The following CHCHD3 variants were observed in gnomAD, a reference collection of about 807,000 sequenced individuals.
CHCHD3 encodes coiled-coil-helix-coiled-coil-helix domain containing 3.
A neutral mutation model predicts 38.2 loss-of-function variants in CHCHD3; 20 were observed. The observed-to-expected ratio is 0.52, with a 90% CI of 0.37 to 0.76. The LOEUF (loss-of-function observed/expected upper bound fraction) is 0.76. Ranked by LOEUF, CHCHD3 falls within the 30% of genes least tolerant of loss-of-function variation. The pLI, the probability that CHCHD3 is intolerant of heterozygous loss-of-function variation, is 0.00. For missense variants in CHCHD3, 245 were observed against 279.2 expected (o/e 0.88, Z 0.87); for synonymous variants, 82 against 100.0 (o/e 0.82, Z 1.07).
chr7:133,001,176 A>C (rs1812563357), intron 3 of CHCHD3, among the ~76,000 whole-genome samples: 1 of 152,168 alleles, frequency 6.6e-6, no homozygotes, highest in Admixed American at 6.5e-5. Flanking sequence ...CTGGCATATA[A>C]ATGAGAATTC....
intron 6 of CHCHD3, among the ~76,000 whole-genome samples, chr7:132,816,978 G>A (rs190812868): frequency 6.6e-6 from 1 of 152,158 alleles, no homozygotes; most frequent in African/African-American, 2.4e-5. Context: ...ATGGAAGTAG[G>A]TTCAACTATG....
intron 5 of CHCHD3, among the ~76,000 whole-genome samples, chr7:132,852,365 C>G (rs1228643257): frequency 6.6e-6 from 1 of 152,170 alleles, no homozygotes; most frequent in Non-Finnish European, 1.5e-5. Context: ...TAACCAGGTT[C>G]AGTTTGGCTG....
At chr7:132,878,480 G>A (rs1306092260) in intron 5 of CHCHD3, among the ~76,000 whole-genome samples, 1 of 152,164 alleles carries the variant, frequency 6.6e-6, no homozygotes, top group Non-Finnish European at 1.5e-5. Flanking sequence ...ATGTAAGCAT[G>A]ACCTTAGAAT....
chr7:132,999,738 A>G (rs10267826), intron 3 of CHCHD3, among the ~76,000 whole-genome samples: 67,288 of 151,304 alleles, frequency 0.44, 15,257 homozygotes, highest in East Asian at 0.55. Context: ...GCACAAATAC[A>G]TGGGTTAAAC....
Position 132,959,900 on chromosome 7 carries a change from A to C in CHCHD3, c.369+15269T>G, listed in dbSNP as rs372355188. ...CTTTCATAAATCTTGAGAAAAGGCCAAAGAAAAATGAAAACTAGTGTATTC... is the reference window on the plus strand; with the variant it reads ...CTTTCATAAATCTTGAGAAAAGGCCCAAGAAAAATGAAAACTAGTGTATTC... On this transcript the variant is annotated intron_variant, in intron 4 of 7. Transcript: ENST00000262570. 6.6e-5 allele frequency among the ~76,000 whole-genome samples: 10 copies of C among 152,256 alleles called. No individual in the cohort carries two copies. The South Asian group carries it at 1.9e-3, about 28-fold the overall frequency.
intron 2 of CHCHD3, among the ~76,000 whole-genome samples, chr7:133,027,363 A>G (rs67235308): frequency 1.1e-3 from 148 of 133,836 alleles, no homozygotes; most frequent in Non-Finnish European, 1.3e-3. Flanking sequence ...AATAAGTTGT[A>G]AGAGAGAGAG....
chr7:132,954,673 G>T (rs1034313268), intron 4 of CHCHD3, among the ~76,000 whole-genome samples: 10 of 152,248 alleles, frequency 6.6e-5, no homozygotes, highest in African/African-American at 2.2e-4. Context: ...CAATTCCTCA[G>T]ATGGTACAAT....
intron 1 of CHCHD3, among the ~76,000 whole-genome samples, chr7:133,072,109 G>T (rs1398066796): frequency 6.6e-6 from 1 of 151,408 alleles, no homozygotes; most frequent in African/African-American, 2.4e-5. Flanking sequence ...GGTCAAGGCT[G>T]CAATGAGCCA....
At chr7:132,858,806 A>G (rs1808409331) in intron 5 of CHCHD3, among the ~76,000 whole-genome samples, 1 of 152,210 alleles carries the variant, frequency 6.6e-6, no homozygotes, top group Non-Finnish European at 1.5e-5. Context: ...GTGTTAATAC[A>G]GACATTTTTT....
chr7:132,887,828 C>T (rs1277166979), intron 4 of CHCHD3, among the ~76,000 whole-genome samples: 1 of 151,764 alleles, frequency 6.6e-6, no homozygotes, highest in Admixed American at 6.6e-5. Flanking sequence ...ATAGGCTCTC[C>T]TATACACTGC....
At chr7:133,005,623 C>T (rs1812679612) in intron 3 of CHCHD3, among the ~76,000 whole-genome samples, 1 of 152,162 alleles carries the variant, frequency 6.6e-6, no homozygotes, top group African/African-American at 2.4e-5. Context: ...ATTTGATTTT[C>T]CTTTTTTTGT....
intron 6 of CHCHD3, among the ~76,000 whole-genome samples, chr7:132,816,963 T>C (rs949880684): frequency 5.3e-5 from 8 of 151,982 alleles, no homozygotes; most frequent in Admixed American, 3.9e-4. Context: ...CCCTGGAATA[T>C]CAAAATGGAA....
At chr7:132,830,515 C>T (rs1213025993) in intron 6 of CHCHD3, among the ~76,000 whole-genome samples, 4 of 152,152 alleles carry the variant, frequency 2.6e-5, no homozygotes, top group African/African-American at 7.2e-5. Context: ...CAGAAGGTGA[C>T]AGTTATAATT....
At position 133,035,114 on chromosome 7, in the gene CHCHD3, C is replaced by T. The variant is rs1287023710; in HGVS notation, c.170-10487G>A. On this transcript the variant is annotated intron_variant, in intron 2 of 7. Coordinates refer to ENST00000262570, the MANE Select transcript of CHCHD3 (RefSeq NM_017812.4). The surrounding 1 kb of genome is among the most constrained non-coding windows in gnomAD (Gnocchi z 4.7). The stretch of plus-strand genomic sequence containing the variant: ...CCTTGGCCTTGGGCTCAGCAGCCAG[C>T]GCCTGCTCACATTCATCCATCTCCT... The T allele has an allele frequency of 6.2e-7, 1 of 1,613,660 alleles. No homozygotes were observed. Among genetic ancestry groups the T allele is most frequent in the Non-Finnish European group, 8.5e-7 (1 of 1,179,708 alleles).
At chr7:132,955,948 G>A (rs1040197483) in intron 4 of CHCHD3, among the ~76,000 whole-genome samples, 2 of 152,142 alleles carry the variant, frequency 1.3e-5, no homozygotes, top group Non-Finnish European at 2.9e-5. Context: ...CTGACTTAGC[G>A]GGATTCTTGC....
chr7:132,819,381 A>G (rs573518942), intron 6 of CHCHD3, among the ~76,000 whole-genome samples: 55 of 152,314 alleles, frequency 3.6e-4, no homozygotes, highest in African/African-American at 1.3e-3. Context: ...TTAAATGCAC[A>G]CACACGAGAA....
intron 4 of CHCHD3, chr7:132,886,953 G>T (rs1376133577): frequency 7.7e-7 from 1 of 1,294,468 alleles, no homozygotes; most frequent in Non-Finnish European, 9.8e-7. Flanking sequence ...CACATTTATA[G>T]GTTATTGTTT....
chr7:132,874,975 T>A (rs1808859056), intron 5 of CHCHD3, among the ~76,000 whole-genome samples: 1 of 152,060 alleles, frequency 6.6e-6, no homozygotes, highest in South Asian at 2.1e-4. Context: ...TTTCAGGTCC[T>A]CAGAAGCCCT....
chr7:132,821,828 T>C (rs1807384481), intron 6 of CHCHD3, among the ~76,000 whole-genome samples: 1 of 134,556 alleles, frequency 7.4e-6, no homozygotes, highest in Non-Finnish European at 1.5e-5. Flanking sequence ...AGTGGCGCAA[T>C]CTCGGCTCAC....
Sources: gnomAD v4.1 joint callset for allele counts (sites outside exome capture counted in the v4.1 genomes callset) on GRCh38, gnomAD v4.1.1 for gene constraint, Gnocchi (gnomAD v3.1) non-coding constraint, MANE v1.5 for transcripts, NCBI Gene and HGNC (gene_info 2026-07-23, HGNC 2026-07-21) for gene names.